DENND6B: variants seen among roughly 807,000 people sequenced by gnomAD.
DENND6B encodes protein DENND6B.
In DENND6B, 73 loss-of-function variants were observed where a neutral mutation model predicts 85.1. The ratio of observed to expected loss-of-function variants is 0.86; its 90% CI spans 0.71 to 1.04. The LOEUF is 1.04. Among genes scored for constraint, DENND6B ranks in the 50% least tolerant of loss-of-function variants. The probability of loss-of-function intolerance (pLI) is 0.00; values close to 1 mark genes in which losing one functional copy is unlikely to be tolerated. For synonymous variants in DENND6B, 357 were observed against 329.3 expected, an observed-to-expected ratio of 1.08 and a Z score of -0.91; for missense variants, 715 against 785.8, an observed-to-expected ratio of 0.91 and a Z score of 1.08.
At chr22:50,318,927 C>A (rs1392235071) in intron 2 of DENND6B, 38 bp from the exon 3 acceptor site, 5 of 1,610,474 alleles carry the variant, frequency 3.1e-6, no homozygotes, top group Non-Finnish European at 4.2e-6. Context: ...CCGACCCACT[C>A]CTGGGTCCTG....
intron 1 of DENND6B, among the ~76,000 whole-genome samples, chr22:50,322,611 G>A (rs932933210): frequency 4.6e-5 from 7 of 151,602 alleles, no homozygotes; most frequent in African/African-American, 9.7e-5. Context: ...GTGCAGTGGC[G>A]TGATCTCCGC....
chr22:50,319,843 G>A (rs1042751757), intron 1 of DENND6B, among the ~76,000 whole-genome samples: 11 of 152,322 alleles, frequency 7.2e-5, no homozygotes, highest in Middle Eastern at 6.8e-3. Context: ...GCGCCCAGCC[G>A]GACAAGGCCT....
At position 50,312,568 on chromosome 22, in the gene DENND6B, C is replaced by T; in HGVS notation, c.1515G>A (p.Met505Ile). ...DGWYRQRHKE[M>I]ALKLEALHLE... ...GGTGCAGGGCCTCCAGCTTCAGGGC[C>T]ATCTCCTTGTGCCGCTGCCGGTACC... Residue 505 changes from methionine (M) to isoleucine (I), a missense_variant, in exon 18 of 20, where the codon ATG becomes ATA. Met to Ile is a conservative substitution (Grantham distance 10, BLOSUM62 1). Coordinates refer to ENST00000413817, the MANE Select transcript of DENND6B (RefSeq NM_001001794.4). 1 of 1,596,126 alleles carries T rather than the reference C, an allele frequency of 6.3e-7. No individual in the cohort carries two copies. The highest frequency in any genetic ancestry group is 8.5e-7 in the Non-Finnish European group (1 of 1,172,106).
At position 50,309,177 on chromosome 22, in the gene DENND6B, G is replaced by A. The variant is rs2068026772; in HGVS notation, c.*2962C>T. 1 of 152,216 alleles carries A rather than the reference G, an allele frequency of 6.6e-6. No individual in the cohort carries two copies. Among genetic ancestry groups the A allele is most frequent in the Admixed American group, 6.5e-5 (1 of 15,274 alleles). The allele number at this position is 152,216 out of a possible 1,614,324, so 9.4% of individuals were successfully genotyped here. A position where few individuals can be genotyped will look rare whatever the true frequency, so the allele number is the denominator to read the frequency against. ...AGCAGGCCCCCTGTGTGCACCCTCA[G>A]CCCCGAGCCCCACTCCAGACCTGCT... On this transcript the variant is annotated 3_prime_UTR_variant, in exon 20 of 20. Coordinates refer to ENST00000413817, the MANE Select transcript of DENND6B (RefSeq NM_001001794.4).
Position 50,318,908 on chromosome 22 carries a change from C to T in DENND6B, c.217-19G>A, listed in dbSNP as rs116354843. On this transcript the variant is annotated intron_variant, in intron 2 of 19. Coordinates refer to ENST00000413817, the MANE Select transcript of DENND6B (RefSeq NM_001001794.4). ...TGCTTTTCTGAAACATATAAAACCC[C>T]GGTGAGGGCCGACCCACTCCTGGGT... The T allele has an allele frequency of 1.2e-3, 2,002 of 1,612,128 alleles. 18 individuals carry two copies. In the African/African-American group the frequency reaches 0.022, roughly 18 times the overall value.
chr22:50,313,135 G>A (rs1216656117), intron 16 of DENND6B, 27 bp from the exon 17 acceptor site: 12 of 1,543,880 alleles, frequency 7.8e-6, no homozygotes, highest in South Asian at 3.6e-5. Context: ...GAGCCAGCAC[G>A]TGGGAACTCG....
At chr22:50,314,163 G>A (rs2041698846) in intron 13 of DENND6B, 44 bp downstream of exon 13, 2 of 1,572,904 alleles carry the variant, frequency 1.3e-6, no homozygotes, top group Non-Finnish European at 1.7e-6. Flanking sequence ...TACAAGACAG[G>A]CCTCTCCACG....
rs372514489 is a variant in DENND6B at position 50,316,058 on chromosome 22, G to A, written c.669C>T (p.Ser223=). The change falls in exon 8 of 20, where the codon TCC becomes TCT. Residue 223 remains serine, a synonymous_variant. Coordinates refer to ENST00000413817, the MANE Select transcript of DENND6B (RefSeq NM_001001794.4). ...QVRIPSRVDK[S]ESSPPKQFDQ... is the part of the protein sequence containing the mutation. ...CAAACTGCTTCGGAGGACTGGACTC[G>A]GACTTGTCCACCCTGGATGGGATGC... The A allele has an allele frequency of 7.8e-5, 126 of 1,612,688 alleles. No individual in the cohort carries two copies. The Admixed American group carries it at 8.5e-4, about 11-fold the overall frequency.
At chr22:50,318,534 C>T (rs1248192782) in intron 3 of DENND6B, among the ~76,000 whole-genome samples, 2 of 152,200 alleles carry the variant, frequency 1.3e-5, no homozygotes, top group African/African-American at 4.8e-5. Flanking sequence ...AAATGGCCAC[C>T]CAGATGTCTA....
Position 50,314,829 on chromosome 22 carries a change from A to G in DENND6B, c.851T>C (p.Val284Ala), listed in dbSNP as rs766730991. The G allele has an allele frequency of 1.2e-6, 2 of 1,610,706 alleles. No homozygotes were observed. The highest frequency in any genetic ancestry group is 1.1e-5 in the South Asian group (1 of 90,532). The change falls in exon 10 of 20, where the codon GTG becomes GCG. Residue 284 changes from valine (V) to alanine (A), a missense_variant. Val to Ala is a moderately conservative substitution (Grantham distance 64). Transcript: ENST00000413817. ...PLLVLAPSPD[V>A]SSEMVLALTS... The stretch of plus-strand genomic sequence containing the variant: ...CAAGGCCAGCACCATCTCCGAGGAC[A>G]CGTCGGGCGAGGGTGCCAGGACTAG...
chr22:50,319,171 C>A, intron 1 of DENND6B, 168 bp from the exon 2 acceptor site: 1 of 1,523,452 alleles, frequency 6.6e-7, no homozygotes, highest in African/African-American at 1.4e-5. Flanking sequence ...TCCAACAGCA[C>A]GCTGCATCCT....
In DENND6B at chr22:50,312,513, CCT is replaced by C. The variant is rs2068082082; in HGVS notation, c.1560+8_1560+9del. On this transcript the variant is annotated splice_region_variant and intron_variant, in intron 18 of 19. Coordinates refer to ENST00000413817, the MANE Select transcript of DENND6B (RefSeq NM_001001794.4). ...TGTTCTGGCCCTCCCCAACCCCCAG[CCT>C]CTCTCACCGCCTCACAGATAGCCTC... is the stretch of plus-strand genomic sequence containing the variant. The C allele has an allele frequency of 6.3e-7, 1 of 1,578,992 alleles. No homozygotes were observed. Among genetic ancestry groups the C allele is most frequent in the Admixed American group, 1.8e-5 (1 of 54,492 alleles).
chr22:50,314,517 G>C (rs1359934212), intron 11 of DENND6B, 23 bp from the exon 12 acceptor site: 24 of 1,555,148 alleles, frequency 1.5e-5, no homozygotes, highest in Non-Finnish European at 1.9e-5. Context: ...AGAGAGAGAA[G>C]AGGCAGAGAC....
chr22:50,323,935 A>G (rs1364425201), intron 1 of DENND6B, among the ~76,000 whole-genome samples: 2 of 151,924 alleles, frequency 1.3e-5, no homozygotes, highest in Non-Finnish European at 1.5e-5. Context: ...GGGTCTCACT[A>G]TGTTTCCTAG....
At chr22:50,322,555 T>G (rs1321463470) in intron 1 of DENND6B, among the ~76,000 whole-genome samples, 1 of 152,078 alleles carries the variant, frequency 6.6e-6, no homozygotes, top group African/African-American at 2.4e-5. Context: ...TTTTGTCTTT[T>G]TTTGTTTGTT....
chr22:50,312,293 A>G (rs756461295), intron 19 of DENND6B, 32 bp from the exon 20 acceptor site: 1 of 1,611,408 alleles, frequency 6.2e-7, no homozygotes, highest in African/African-American at 1.3e-5. Context: ...GGGCAGGCGC[A>G]GCTCCGTGCC....
intron 9 of DENND6B, among the ~76,000 whole-genome samples, chr22:50,315,401 A>G (rs1266787533): frequency 6.6e-6 from 1 of 152,160 alleles, no homozygotes; most frequent in Non-Finnish European, 1.5e-5. Context: ...TCTCCTTGAC[A>G]CCTGTCTTTC....
At chr22:50,313,592 C>T in intron 15 of DENND6B, 43 bp downstream of exon 15, 2 of 1,515,768 alleles carry the variant, frequency 1.3e-6, no homozygotes, top group South Asian at 1.2e-5. Flanking sequence ...ATCCCCCCAG[C>T]CCCGTGCCCC....
chr22:50,316,645 T>C (rs1569201812), intron 5 of DENND6B, 170 bp from the exon 6 acceptor site: 10 of 1,522,946 alleles, frequency 6.6e-6, no homozygotes, highest in Non-Finnish European at 7.0e-6. Flanking sequence ...GACCCCAGAA[T>C]TATTAGACAG....
Sources: allele counts gnomAD v4.1 joint callset (sites outside exome capture counted in the v4.1 genomes callset), GRCh38; gene constraint gnomAD v4.1.1; transcripts MANE v1.5; gene names NCBI Gene and HGNC (gene_info 2026-07-23, HGNC 2026-07-21).